GOLGA6L10: variants seen among roughly 807,000 people sequenced by gnomAD.
GOLGA6L10 encodes golgin subfamily A member 6-like protein 10.
Under a neutral mutation model 56.9 loss-of-function variants are expected in GOLGA6L10, and 4 were observed. That is an observed-to-expected ratio of 0.07 (90% confidence interval 0.03 to 0.16). GOLGA6L10 has a LOEUF of 0.16. Among genes scored for constraint, GOLGA6L10 ranks in the 10% least tolerant of loss-of-function variants. GOLGA6L10 has a pLI of 1.00. For missense variants in GOLGA6L10, 34 were observed against 558.3 expected, an observed-to-expected ratio of 0.06 and a Z score of 9.46; for synonymous variants, 11 against 220.9, an observed-to-expected ratio of 0.05 and a Z score of 8.43.
chr15:82,343,856 C>T (rs1193141256), intron 7 of GOLGA6L10, among the ~76,000 whole-genome samples: 121,136 of 141,634 alleles, frequency 0.86, 51,205 homozygotes, highest in East Asian at 1. Flanking sequence ...TTAATTTTAG[C>T]AGAGATGAGC....
Position 82,340,608 on chromosome 15 carries a change from G to C in GOLGA6L10, c.*2168C>G, listed in dbSNP as rs1347676060. ...TTGCCTTCTAAGCAAATTGAAAGCT[G>C]CCTTATACTGAATGAGGAAGAGAAC... On this transcript the variant is annotated 3_prime_UTR_variant, in exon 9 of 9. Coordinates refer to ENST00000610657, the MANE Select transcript of GOLGA6L10 (RefSeq NM_001164465.3). 1.3e-5 allele frequency: 2 copies of C among 151,410 alleles called. No homozygotes were observed. The highest frequency in any genetic ancestry group is 4.8e-5 in the African/African-American group (2 of 41,420). The allele number at this position is 151,410 out of a possible 1,614,324, so 9.4% of individuals were successfully genotyped here. A position where few individuals can be genotyped will look rare whatever the true frequency, so the allele number is the denominator to read the frequency against.
At position 82,344,967 on chromosome 15, in the gene GOLGA6L10, C is replaced by T. The variant is rs2075671104; in HGVS notation, c.893G>A (p.Arg298Lys). ...QEERLCEQEE[R>K]LREQEERLCE... is the part of the protein sequence containing the mutation. Reference sequence around the variant, plus strand: ...TAGCCTCTCCTCCTGTTCACGTAGCCTCTCCTCCTGTTCACACAGCCTCTC... The same window carrying T: ...TAGCCTCTCCTCCTGTTCACGTAGCTTCTCCTCCTGTTCACACAGCCTCTC... The change falls in exon 6 of 9, where the codon AGG becomes AAG. Residue 298 changes from arginine (R) to lysine (K), a missense_variant. Transcript: ENST00000610657. 1 of 918,118 alleles carries T rather than the reference C, an allele frequency of 1.1e-6. No homozygotes were observed. Among genetic ancestry groups the T allele is most frequent in the Non-Finnish European group, 1.5e-6 (1 of 681,960 alleles). 56.9% of individuals were successfully genotyped at this position (918,118 alleles called of 1,614,324 possible).
rs1418133579 is a variant in GOLGA6L10 at position 82,340,377 on chromosome 15, TA to T, written c.*2398del. 2 of 151,554 alleles carry T rather than the reference TA, an allele frequency of 1.3e-5. No homozygotes were observed. The highest frequency in any genetic ancestry group is 4.8e-5 in the African/African-American group (2 of 41,392). 9.4% of individuals were successfully genotyped at this position (151,554 alleles called of 1,614,324 possible). A position where few individuals can be genotyped will look rare whatever the true frequency, so the allele number is the denominator to read the frequency against. Reference sequence around the variant, plus strand: ...GGTTGATTTACATTTTCACATTTTCTAAAAATCAGCTTTGGTTTTAGAACTG... The same window carrying T: ...GGTTGATTTACATTTTCACATTTTCTAAAATCAGCTTTGGTTTTAGAACTG... On this transcript the variant is annotated 3_prime_UTR_variant, in exon 9 of 9. Transcript: ENST00000610657.
intron 1 of GOLGA6L10, among the ~76,000 whole-genome samples, chr15:82,348,266 C>T (rs1378601921): frequency 1.5e-4 from 23 of 150,446 alleles, no homozygotes; most frequent in African/African-American, 3.6e-4. Context: ...CAGGTTGAGA[C>T]GATATGAGGA....
In GOLGA6L10 at chr15:82,340,639, C is replaced by T. The variant is rs1408154249; in HGVS notation, c.*2137G>A. ...TACTGAATGAGGAAGAGAACAAATA[C>T]TTGGCTGAATGAGGTACTGCAAGAG... On this transcript the variant is annotated 3_prime_UTR_variant, in exon 9 of 9. Transcript: ENST00000610657. 1 of 151,230 alleles carries T rather than the reference C, an allele frequency of 6.6e-6. No individual in the cohort carries two copies. Among genetic ancestry groups the T allele is most frequent in the Non-Finnish European group, 1.5e-5 (1 of 67,760 alleles). 9.4% of individuals were successfully genotyped at this position (151,230 alleles called of 1,614,324 possible). A position where few individuals can be genotyped will look rare whatever the true frequency, so the allele number is the denominator to read the frequency against.
In GOLGA6L10 at chr15:82,344,629, A is replaced by T; in HGVS notation, c.1231T>A (p.Tyr411Asn). ...CTGCGTGGCTCGGCCCGCTGCTCGT[A>T]CAGGGCTTCCCACCCCAGCTCCAGC... The part of the protein sequence containing the change: ...RMLELGWEAL[Y>N]EQRAEPRSGF... The change falls in exon 6 of 9, where the codon TAC (tyrosine) becomes AAC (asparagine). Residue 411 changes from tyrosine (Y) to asparagine (N), a missense_variant. Tyr to Asn is a moderately radical substitution (Grantham distance 143). Transcript: ENST00000610657. The T allele has an allele frequency of 6.4e-7, 1 of 1,558,878 alleles. No individual in the cohort carries two copies. The highest frequency in any genetic ancestry group is 1.2e-5 in the South Asian group (1 of 85,918).
At chr15:82,345,597 A>C (rs1290930443) in intron 5 of GOLGA6L10, among the ~76,000 whole-genome samples, 171 bp from the exon 6 acceptor site, 1 of 151,326 alleles carries the variant, frequency 6.6e-6, no homozygotes, top group African/African-American at 2.4e-5. Flanking sequence ...GATAGAGAGC[A>C]CTGTGGGTGG....
In GOLGA6L10 at chr15:82,345,347, C is replaced by T. The variant is rs1567112843; in HGVS notation, c.513G>A (p.Lys171=). ...QLQDETNHLR[K]ELESVGRQLQ... ...GCTGTCTTCCCACACTCTCTAGCTC[C>T]TTCCTTAGGTGGTTGGTCTCATCTT... Residue 171 remains lysine (K), a synonymous_variant, in exon 6 of 9, where the codon AAG becomes AAA. Transcript: ENST00000610657. 1 of 1,596,924 alleles carries T rather than the reference C, an allele frequency of 6.3e-7. No homozygotes were observed. Among genetic ancestry groups the T allele is most frequent in the Non-Finnish European group, 8.5e-7 (1 of 1,177,334 alleles).
At chr15:82,343,397 T>C (rs2075654911) in intron 7 of GOLGA6L10, among the ~76,000 whole-genome samples, 177 bp from the exon 8 acceptor site, 2 of 150,346 alleles carry the variant, frequency 1.3e-5, no homozygotes, top group Admixed American at 1.3e-4. Context: ...TTCCCTAGCA[T>C]CAAATCTCAC....
chr15:82,342,570 T>C lies in GOLGA6L10; in HGVS notation c.*206A>G. ...TTTACAAATAAATTTAAATTATAAA[T>C]TAGAAACACAAATAAATTTAAACTA... On this transcript the variant is annotated 3_prime_UTR_variant, in exon 9 of 9. Coordinates refer to ENST00000610657, the MANE Select transcript of GOLGA6L10 (RefSeq NM_001164465.3). 1 of 1,147,048 alleles carries C rather than the reference T, an allele frequency of 8.7e-7. No individual in the cohort carries two copies. The highest frequency in any genetic ancestry group is 1.2e-6 in the Non-Finnish European group (1 of 860,688). The allele number at this position is 1,147,048 out of a possible 1,614,324, so 71.1% of individuals were successfully genotyped here.
rs1411291332 is a variant in GOLGA6L10 at position 82,340,011 on chromosome 15, C to T, written c.*2765G>A. On this transcript the variant is annotated 3_prime_UTR_variant, in exon 9 of 9. Coordinates refer to ENST00000610657, the MANE Select transcript of GOLGA6L10 (RefSeq NM_001164465.3). ...CACAAAATTTTTAGGCAAAACAGCA[C>T]CTTGAAACAATCTAATAATTTATTA... is the stretch of plus-strand genomic sequence containing the variant. 1.3e-4 allele frequency: 19 copies of T among 150,674 alleles called. No homozygotes were observed. Among genetic ancestry groups the T allele is most frequent in the African/African-American group, 4.4e-4 (18 of 41,364 alleles). The allele number at this position is 150,674 out of a possible 1,614,324, so 9.3% of individuals were successfully genotyped here. A position where few individuals can be genotyped will look rare whatever the true frequency, so the allele number is the denominator to read the frequency against.
rs1179704302 is a variant in GOLGA6L10 at position 82,340,669 on chromosome 15, C to T, written c.*2107G>A. ...CTGAATGAGGTACTGCAAGAGACTG[C>T]ATGCACTTTGAAGAAAGACTTGAGT... is the stretch of plus-strand genomic sequence containing the variant. On this transcript the variant is annotated 3_prime_UTR_variant, in exon 9 of 9. Coordinates refer to ENST00000610657, the MANE Select transcript of GOLGA6L10 (RefSeq NM_001164465.3). 306 of 151,134 alleles carry T rather than the reference C, an allele frequency of 2.0e-3. 3 individuals are homozygous for T. Among genetic ancestry groups the T allele is most frequent in the African/African-American group, 6.4e-3 (266 of 41,492 alleles). 9.4% of individuals were successfully genotyped at this position (151,134 alleles called of 1,614,324 possible). A position where few individuals can be genotyped will look rare whatever the true frequency, so the allele number is the denominator to read the frequency against.
rs2075666829 is a variant in GOLGA6L10 at position 82,344,713 on chromosome 15, T to C, written c.1147A>G (p.Thr383Ala). The C allele has an allele frequency of 6.3e-7, 1 of 1,578,550 alleles. No individual in the cohort carries two copies. Among genetic ancestry groups the C allele is most frequent in the Non-Finnish European group, 8.5e-7 (1 of 1,171,818 alleles). Residue 383 changes from threonine to alanine, a missense_variant, in exon 6 of 9, where the codon ACT becomes GCT. Physicochemically the swap from Thr to Ala is moderately conservative, Grantham distance 58 (BLOSUM62 0). Transcript: ENST00000610657. ...CGCAGCCTCTCCAGCTCCCGCAGAG[T>C]CTCCTGCTGCCACAGCCTCTCATCC... ...QQDERLWQQETLRELERLREL... is the reference protein window; with the variant it reads ...QQDERLWQQEALRELERLREL...
At chr15:82,343,943 G>C (rs1454118284) in intron 7 of GOLGA6L10, among the ~76,000 whole-genome samples, 2 of 147,486 alleles carry the variant, frequency 1.4e-5, no homozygotes, top group African/African-American at 5.2e-5. Flanking sequence ...CAAAGTGCTG[G>C]GATTGCAGGC....
Position 82,340,406 on chromosome 15 carries a change from T to G in GOLGA6L10, c.*2370A>C, listed in dbSNP as rs1331036124. ...AATCAGCTTTGGTTTTAGAACTGAT[T>G]GTTTTTCATTTCAGGAAAACCTATC... On this transcript the variant is annotated 3_prime_UTR_variant, in exon 9 of 9. Coordinates refer to ENST00000610657, the MANE Select transcript of GOLGA6L10 (RefSeq NM_001164465.3). 6.6e-6 allele frequency: 1 copy of G among 151,562 alleles called. No homozygotes were observed. Among genetic ancestry groups the G allele is most frequent in the Admixed American group, 6.6e-5 (1 of 15,078 alleles). The allele number at this position is 151,562 out of a possible 1,614,324, so 9.4% of individuals were successfully genotyped here. A position where few individuals can be genotyped will look rare whatever the true frequency, so the allele number is the denominator to read the frequency against.
In GOLGA6L10 at chr15:82,342,305, G is replaced by A. The variant is rs2099673892; in HGVS notation, c.*471C>T. Reference sequence around the variant, plus strand: ...GATCAAACATAACAGCAGAACATAAGGAAATTTTATCTGAATTCCGTAATG... The same window carrying A: ...GATCAAACATAACAGCAGAACATAAAGAAATTTTATCTGAATTCCGTAATG... On this transcript the variant is annotated 3_prime_UTR_variant, in exon 9 of 9. Transcript: ENST00000610657. 9.4e-6 allele frequency: 2 copies of A among 213,792 alleles called. No individual in the cohort carries two copies. The highest frequency in any genetic ancestry group is 4.8e-5 in the African/African-American group (2 of 41,820). The allele number at this position is 213,792 out of a possible 1,614,324, so 13.2% of individuals were successfully genotyped here. A position where few individuals can be genotyped will look rare whatever the true frequency, so the allele number is the denominator to read the frequency against.
chr15:82,346,018 CAACA>C (rs2075684605), intron 4 of GOLGA6L10, 122 bp from the exon 5 acceptor site: 1 of 669,168 alleles, frequency 1.5e-6, no homozygotes, highest in Admixed American at 2.7e-5. Flanking sequence ...TGCATTCATT[CAACA>C]AACATTTACT....
Position 82,340,508 on chromosome 15 carries a change from A to C in GOLGA6L10, c.*2268T>G, listed in dbSNP as rs1304653504. On this transcript the variant is annotated 3_prime_UTR_variant, in exon 9 of 9. Coordinates refer to ENST00000610657, the MANE Select transcript of GOLGA6L10 (RefSeq NM_001164465.3). ...TAGGTATTTTGATTCTTTACTTCCT[A>C]CAGAAATTCAAATTTATTCAGTCAA... 2.0e-5 allele frequency: 3 copies of C among 151,158 alleles called. No individual in the cohort carries two copies. Among genetic ancestry groups the C allele is most frequent in the Non-Finnish European group, 4.4e-5 (3 of 67,752 alleles). The allele number at this position is 151,158 out of a possible 1,614,324, so 9.4% of individuals were successfully genotyped here. A position where few individuals can be genotyped will look rare whatever the true frequency, so the allele number is the denominator to read the frequency against.
intron 7 of GOLGA6L10, among the ~76,000 whole-genome samples, chr15:82,343,757 G>A (rs1289372165): frequency 1.3e-5 from 2 of 152,134 alleles, no homozygotes; most frequent in Non-Finnish European, 2.9e-5. Context: ...TTCATCTCCC[G>A]GGCTCAAGTG....
Sources: gnomAD v4.1 joint callset for allele counts (sites outside exome capture counted in the v4.1 genomes callset) on GRCh38, gnomAD v4.1.1 for gene constraint, MANE v1.5 for transcripts, NCBI Gene and HGNC (gene_info 2026-07-23, HGNC 2026-07-21) for gene names.